SETBP1: variants seen among roughly 807,000 people sequenced by gnomAD.
SETBP1 encodes the protein SET binding protein 1, also known as SET-binding protein.
SETBP1 carries 9 observed loss-of-function variants against 101.0 expected under a neutral mutation model. That is an observed-to-expected ratio of 0.09 (90% CI 0.05 to 0.16). SETBP1 has a LOEUF of 0.16. Ranked by LOEUF, SETBP1 falls within the 10% of genes least tolerant of loss-of-function variation. The pLI is 1.00. For missense variants in SETBP1, 1,858 were observed against 2,033.8 expected, an observed-to-expected ratio of 0.91 and a Z score of 1.66; for synonymous variants, 818 against 788.5, an observed-to-expected ratio of 1.04 and a Z score of -0.63.
intron 2 of SETBP1, among the ~76,000 whole-genome samples, chr18:44,764,671 C>T (rs987657717): frequency 6.6e-6 from 1 of 152,112 alleles, no homozygotes; most frequent in Non-Finnish European, 1.5e-5. Flanking sequence ...GACGGGGTTT[C>T]ACCATGTTAG....
chr18:44,729,303 T>C (rs900132353), intron 2 of SETBP1, among the ~76,000 whole-genome samples: 5 of 152,168 alleles, frequency 3.3e-5, no homozygotes, highest in African/African-American at 7.2e-5. Context: ...GAGCAGATCA[T>C]AGGGGAGAGA....
At chr18:44,790,331 C>G (rs1160748757) in intron 2 of SETBP1, among the ~76,000 whole-genome samples, 4 of 152,162 alleles carry the variant, frequency 2.6e-5, no homozygotes, top group Non-Finnish European at 5.9e-5. Context: ...AAAGGCAACT[C>G]TAAGATACTG....
chr18:44,924,207 G>A (rs1428978154), intron 3 of SETBP1, among the ~76,000 whole-genome samples: 1 of 152,148 alleles, frequency 6.6e-6, no homozygotes, highest in Non-Finnish European at 1.5e-5. Context: ...ATGATGCCAG[G>A]TTGGGGGTTA....
At chr18:44,789,288 C>G (rs1043375863) in intron 2 of SETBP1, among the ~76,000 whole-genome samples, 5 of 152,190 alleles carry the variant, frequency 3.3e-5, no homozygotes, top group African/African-American at 1.2e-4. Context: ...CAGTCCTCAA[C>G]TTTTCCCTCT....
chr18:45,006,346 T>G (rs895277588), intron 4 of SETBP1, among the ~76,000 whole-genome samples: 1 of 152,170 alleles, frequency 6.6e-6, no homozygotes, highest in African/African-American at 2.4e-5. Flanking sequence ...AATTGTTCCT[T>G]GTAGGTTCGT....
In SETBP1 at chr18:45,063,587, C is replaced by T. The variant is rs201428338; in HGVS notation, c.4680C>T (p.Pro1560=). The part of the protein sequence containing the change: ...GGKRKHKPQA[P]AQPPQQSPPQ... ...AGAGGAAACACAAACCGCAGGCCCC[C>T]GCTCAGCCCCCACAGCAGTCGCCCC... The change falls in exon 6 of 6, where the codon CCC becomes CCT. Residue 1560 remains proline (P), a synonymous_variant. Coordinates refer to ENST00000649279, the MANE Select transcript of SETBP1 (RefSeq NM_015559.3). 14 of 1,579,022 alleles carry T rather than the reference C, an allele frequency of 8.9e-6. No homozygotes were observed. The Admixed American group carries it at 2.1e-4, about 24-fold the overall frequency.
chr18:44,740,911 A>C (rs1269378582), intron 2 of SETBP1, among the ~76,000 whole-genome samples: 1 of 152,198 alleles, frequency 6.6e-6, no homozygotes, highest in South Asian at 2.1e-4. Context: ...CACTTGGATA[A>C]ATTTGAATGT....
chr18:44,898,169 C>A (rs1321353207), intron 3 of SETBP1, among the ~76,000 whole-genome samples: 1 of 152,098 alleles, frequency 6.6e-6, no homozygotes, highest in African/African-American at 2.4e-5. Context: ...ACAGCAGTGA[C>A]CCATATTGAT....
chr18:44,980,397 C>T (rs965425005), intron 4 of SETBP1, among the ~76,000 whole-genome samples: 2 of 151,764 alleles, frequency 1.3e-5, no homozygotes, highest in Admixed American at 1.3e-4. Flanking sequence ...GAGCCAATTT[C>T]ATAGATCGTA....
chr18:44,685,735 C>A (rs1377334299), intron 1 of SETBP1, among the ~76,000 whole-genome samples: 1 of 152,152 alleles, frequency 6.6e-6, no homozygotes, highest in Non-Finnish European at 1.5e-5. Context: ...GAAACTGGTG[C>A]CTGGGATTAT....
chr18:44,793,842 T>G (rs376138752), intron 2 of SETBP1, among the ~76,000 whole-genome samples: 1 of 152,242 alleles, frequency 6.6e-6, no homozygotes, highest in Non-Finnish European at 1.5e-5. Context: ...TTCCAGTCTC[T>G]CTTTCTCTCT....
At chr18:44,904,673 A>G (rs1023501257) in intron 3 of SETBP1, among the ~76,000 whole-genome samples, 16 of 152,194 alleles carry the variant, frequency 1.1e-4, no homozygotes, top group African/African-American at 3.9e-4. Context: ...GGCTAGACTG[A>G]CTTAACAACT....
chr18:44,847,517 G>C (rs1029963106), intron 2 of SETBP1, among the ~76,000 whole-genome samples: 1 of 152,140 alleles, frequency 6.6e-6, no homozygotes, highest in Non-Finnish European at 1.5e-5. Flanking sequence ...GGAATGGCTC[G>C]AAGCAAGCCC....
intron 2 of SETBP1, among the ~76,000 whole-genome samples, chr18:44,714,484 G>A (rs1174254924): frequency 6.6e-6 from 1 of 152,116 alleles, no homozygotes; most frequent in Non-Finnish European, 1.5e-5. Flanking sequence ...TTACAGGCGT[G>A]AGCCACCGCA....
chr18:44,920,576 T>G (rs1568217236), intron 3 of SETBP1, among the ~76,000 whole-genome samples: 1 of 152,006 alleles, frequency 6.6e-6, no homozygotes, highest in African/African-American at 2.4e-5. Context: ...GACGAGTTAG[T>G]AAAAGGGAGA....
chr18:44,772,927 A>T (rs2070908286), intron 2 of SETBP1, among the ~76,000 whole-genome samples: 1 of 152,196 alleles, frequency 6.6e-6, no homozygotes, highest in African/African-American at 2.4e-5. Flanking sequence ...TCATATTTTC[A>T]TAATTCAGTT....
intron 2 of SETBP1, among the ~76,000 whole-genome samples, chr18:44,845,599 G>A (rs1227067363): frequency 6.6e-6 from 1 of 152,204 alleles, no homozygotes; most frequent in Non-Finnish European, 1.5e-5. Flanking sequence ...GCCCCCATCT[G>A]TTTGGCCCAT....
chr18:44,721,307 G>C (rs2069589638), intron 2 of SETBP1, among the ~76,000 whole-genome samples: 1 of 152,208 alleles, frequency 6.6e-6, no homozygotes, highest in Admixed American at 6.5e-5. Flanking sequence ...CTCTGTCTTG[G>C]AGTTTTGTTT....
Position 44,906,702 on chromosome 18 carries a change from A to G in SETBP1, c.540+37419A>G, listed in dbSNP as rs114695437. Among the ~76,000 whole-genome samples, 266 of 152,338 alleles carry G rather than the reference A, an allele frequency of 1.7e-3. 1 individual carries two copies. Among genetic ancestry groups the G allele is most frequent in the African/African-American group, 6.2e-3 (258 of 41,576 alleles). On this transcript the variant is annotated intron_variant, in intron 3 of 5. Transcript: ENST00000649279. ...ACTCAACAAGGGAGGAGAAATAAAG[A>G]AAACACAACAGAAGAAATCAAAGGT...
Sources: gnomAD v4.1 joint callset for allele counts (sites outside exome capture counted in the v4.1 genomes callset) on GRCh38, gnomAD v4.1.1 for gene constraint, MANE v1.5 for transcripts, NCBI Gene and HGNC (gene_info 2026-07-23, HGNC 2026-07-21) for gene names.